Variants in TENM4 observed in about 807,000 individuals in gnomAD.
TENM4 encodes the protein teneurin-4.
TENM4 carries 82 observed loss-of-function variants against 243.3 expected under a neutral mutation model. That is an observed-to-expected ratio of 0.34 (90% CI 0.28 to 0.40). The LOEUF (loss-of-function observed/expected upper bound fraction) is 0.40. Among genes scored for constraint, TENM4 ranks in the 10% least tolerant of loss-of-function variants. TENM4 has a pLI of 1.00. For missense variants in TENM4, 3,138 were observed against 3,673.3 expected (o/e 0.85, Z 3.77); for synonymous variants, 1,412 against 1,456.3 (o/e 0.97, Z 0.69).
chr11:78,993,764 T>C (rs942855165), intron 6 of TENM4, among the ~76,000 whole-genome samples: 5 of 152,210 alleles, frequency 3.3e-5, no homozygotes, highest in African/African-American at 1.2e-4. Context: ...TATATTCATA[T>C]TTTTCTCTAA....
chr11:79,237,503 C>G (rs538483317), intron 2 of TENM4, among the ~76,000 whole-genome samples: 1 of 152,124 alleles, frequency 6.6e-6, no homozygotes, highest in Non-Finnish European at 1.5e-5. Flanking sequence ...ATGGTAAAAC[C>G]CTGTCTATAC....
intron 16 of TENM4, among the ~76,000 whole-genome samples, chr11:78,780,501 T>C (rs907912089): frequency 1.3e-5 from 2 of 152,160 alleles, no homozygotes; most frequent in Non-Finnish European, 2.9e-5. Flanking sequence ...GATTTTTTTT[T>C]CCCAGGGATG....
rs749845727 is a variant in TENM4, at chr11:78,805,327, C to T, written c.2144G>A (p.Cys715Tyr). ...TFLPDTGLCS[C>Y]DPSWTGHDCS... is the part of the protein sequence containing the mutation. Reference sequence around the variant, plus strand: ...GTCGTGTCCAGTCCAGCTTGGGTCACAGCTGCAAAGCCCGGTGTCCGGGAG... The same window carrying T: ...GTCGTGTCCAGTCCAGCTTGGGTCATAGCTGCAAAGCCCGGTGTCCGGGAG... The change falls in exon 15 of 34, where the codon TGT (cysteine) becomes TAT (tyrosine). Residue 715 changes from cysteine to tyrosine, a missense_variant. This residue lies in a region of TENM4 where 2,467 missense variants were observed against 3,059.1 expected (regional missense o/e 0.81). Transcript: ENST00000278550. 1.5e-6 allele frequency: 2 copies of T among 1,379,122 alleles called. No homozygotes were observed. The highest frequency in any genetic ancestry group is 1.9e-6 in the Non-Finnish European group (2 of 1,059,272). 85.4% of individuals were successfully genotyped at this position (1,379,122 alleles called of 1,614,324 possible).
intron 29 of TENM4, among the ~76,000 whole-genome samples, chr11:78,685,431 G>C (rs930171611): frequency 6.6e-6 from 1 of 152,194 alleles, no homozygotes; most frequent in Admixed American, 6.5e-5. Flanking sequence ...GCTTGGCAGA[G>C]CTACCAAAGA....
chr11:79,137,256 A>G (rs1258839519), intron 4 of TENM4, among the ~76,000 whole-genome samples: 1 of 152,186 alleles, frequency 6.6e-6, no homozygotes, highest in African/African-American at 2.4e-5. Flanking sequence ...CAGGCTAAGA[A>G]GGGAGTTACA....
intron 3 of TENM4, among the ~76,000 whole-genome samples, chr11:79,159,659 G>A (rs1591322779): frequency 6.6e-6 from 1 of 152,152 alleles, no homozygotes; most frequent in Non-Finnish European, 1.5e-5. Flanking sequence ...TGAGCCTCTA[G>A]GTAGATAGAG....
At chr11:78,738,181 A>T (rs745525214) in intron 20 of TENM4, among the ~76,000 whole-genome samples, 1 of 152,220 alleles carries the variant, frequency 6.6e-6, no homozygotes, top group African/African-American at 2.4e-5. Flanking sequence ...GTTTTATATC[A>T]TAAGTCATGG....
intron 1 of TENM4, among the ~76,000 whole-genome samples, chr11:79,390,926 T>G: frequency 6.6e-6 from 1 of 152,262 alleles, no homozygotes; most frequent in East Asian, 1.9e-4. Context: ...ACAGTATGTA[T>G]TCAATAATGC....
chr11:78,810,308 A>G (rs1209292989), intron 14 of TENM4, among the ~76,000 whole-genome samples: 1 of 152,212 alleles, frequency 6.6e-6, no homozygotes, highest in African/African-American at 2.4e-5. Flanking sequence ...TAGATAACGT[A>G]AATCAAAGTT....
intron 32 of TENM4, among the ~76,000 whole-genome samples, chr11:78,665,187 T>G (rs1858125296): frequency 6.6e-6 from 1 of 151,828 alleles, no homozygotes; most frequent in Non-Finnish European, 1.5e-5. Flanking sequence ...TTTCTTTTCT[T>G]TTTCTCTCTT....
chr11:79,253,374 T>C (rs1271630742), intron 2 of TENM4, among the ~76,000 whole-genome samples: 1 of 152,168 alleles, frequency 6.6e-6, no homozygotes, highest in African/African-American at 2.4e-5. Context: ...ACAAATCCCC[T>C]TCATGCCAGG....
intron 15 of TENM4, among the ~76,000 whole-genome samples, chr11:78,788,067 T>A (rs185869850): frequency 4.5e-4 from 69 of 152,250 alleles, no homozygotes; most frequent in African/African-American, 1.6e-3. Flanking sequence ...CAAATTCACA[T>A]GAAAATCTCA....
At chr11:79,274,710 GA>G (rs951275219) in intron 2 of TENM4, among the ~76,000 whole-genome samples, 7 of 152,238 alleles carry the variant, frequency 4.6e-5, no homozygotes, top group African/African-American at 9.6e-5. Flanking sequence ...AATTGGGGGG[GA>G]AAAAGGCTTA....
rs774384379 is a variant in TENM4, at chr11:78,658,079, C to G, written c.8289G>C (p.Gln2763His). 26 of 1,613,930 alleles carry G rather than the reference C, an allele frequency of 1.6e-5. No individual in the cohort carries two copies. Among genetic ancestry groups the G allele is most frequent in the Admixed American group, 1.5e-4 (9 of 60,012 alleles). ...TCTGTCACCTCCGGCCCATCTCGCT[C>G]TGTCTCATGAAGTGGATGTTGTTGG... is the stretch of plus-strand genomic sequence containing the variant. ...DSANNIHFMR[Q>H]SEMGRR The change falls in exon 34 of 34, where the codon CAG becomes CAC. Residue 2763 changes from glutamine (Q) to histidine (H), a missense_variant. By Grantham distance (24) the Gln-to-His change is conservative (BLOSUM62 0). Coordinates refer to ENST00000278550, the MANE Select transcript of TENM4 (RefSeq NM_001098816.3).
intron 15 of TENM4, among the ~76,000 whole-genome samples, chr11:78,796,014 C>G (rs945872641): frequency 6.6e-6 from 1 of 152,096 alleles, no homozygotes; most frequent in African/African-American, 2.4e-5. Flanking sequence ...TTCCACGGAT[C>G]GAGATGGCGG....
chr11:78,873,100 T>C (rs1414704712), intron 9 of TENM4, among the ~76,000 whole-genome samples: 1 of 152,208 alleles, frequency 6.6e-6, no homozygotes, highest in African/African-American at 2.4e-5. Flanking sequence ...ACCCTACAGC[T>C]TCCCAGTCTC....
At chr11:79,204,620 T>C (rs922684527) in intron 3 of TENM4, among the ~76,000 whole-genome samples, 3 of 152,208 alleles carry the variant, frequency 2.0e-5, no homozygotes, top group Admixed American at 1.3e-4. Context: ...GAGCCATAGA[T>C]AGGCTGATAT....
At chr11:79,149,552 TA>T (rs11417895) in intron 3 of TENM4, among the ~76,000 whole-genome samples, 1 of 151,862 alleles carries the variant, frequency 6.6e-6, no homozygotes, top group South Asian at 2.1e-4. Flanking sequence ...TATAGGTTTT[TA>T]AAAAACATCT....
At chr11:79,188,924 T>C (rs1863427083) in intron 3 of TENM4, among the ~76,000 whole-genome samples, 2 of 152,186 alleles carry the variant, frequency 1.3e-5, no homozygotes, top group African/African-American at 2.4e-5. Flanking sequence ...AACATGTCAC[T>C]GAAATCATGA....
Sources: allele counts gnomAD v4.1 joint callset (sites outside exome capture counted in the v4.1 genomes callset), GRCh38; gene constraint gnomAD v4.1.1; regional missense constraint gnomAD v4.1.1; transcripts MANE v1.5; gene names NCBI Gene and HGNC (gene_info 2026-07-23, HGNC 2026-07-21).